HECTD3: variants seen among roughly 807,000 people sequenced by gnomAD.
HECTD3 encodes the protein E3 ubiquitin-protein ligase HECTD3.
Under a neutral mutation model 109.3 loss-of-function variants are expected in HECTD3, and 72 were observed. That is an observed-to-expected ratio of 0.66 (90% CI 0.54 to 0.80). The LOEUF is 0.80. Among genes scored for constraint, HECTD3 ranks in the 30% least tolerant of loss-of-function variants. The pLI is 0.00. For missense variants in HECTD3, 1,041 were observed against 1,165.2 expected (o/e 0.89, Z 1.55); for synonymous variants, 481 against 471.8 (o/e 1.02, Z -0.25).
At chr1:45,008,816 C>T in intron 7 of HECTD3, 115 bp from the exon 8 acceptor site, 4 of 969,370 alleles carry the variant, frequency 4.1e-6, no homozygotes, top group Non-Finnish European at 6.3e-6. Context: ...CCCCTAGAAA[C>T]TCGGGACCTT....
In HECTD3 at chr1:45,007,441, G is replaced by A. The variant is rs1644746472; in HGVS notation, c.1475C>T (p.Pro492Leu). ...GGTGAAGACTGCATTCTTGCAGGCA[G>A]GGTCTCGAGAGGGGCAGGCACGGTG... ...MEHRACPSRDPACKNAVFTQV... is the reference protein window; with the variant it reads ...MEHRACPSRDLACKNAVFTQV... Residue 492 changes from proline (P) to leucine (L), a missense_variant, in exon 10 of 21, where the codon CCT becomes CTT. Around this residue, in one of 2 missense-constraint regions of HECTD3, gnomAD observed 569 missense variants for 715.3 expected, o/e 0.80. Transcript: ENST00000372172. 1 of 1,614,064 alleles carries A rather than the reference G, an allele frequency of 6.2e-7. No homozygotes were observed. The highest frequency in any genetic ancestry group is 8.5e-7 in the Non-Finnish European group (1 of 1,180,050).
rs1396247447 is a variant in HECTD3 at position 45,007,600 on chromosome 1, TGA to T, written c.1321-7_1321-6del. On this transcript the variant is annotated splice_polypyrimidine_tract_variant and splice_region_variant and intron_variant, in intron 9 of 20. Transcript: ENST00000372172. ...CAGTAGGAACTGCTTCACTTGCTAG[TGA>T]GGAGAGGTGGCCAGAGCAGGAATGA... The T allele has an allele frequency of 1.9e-5, 31 of 1,605,594 alleles. No individual in the cohort carries two copies. The highest frequency in any genetic ancestry group is 2.5e-5 in the Non-Finnish European group (30 of 1,179,476).
At position 45,009,201 on chromosome 1, in the gene HECTD3, G is replaced by A. The variant is rs1256473007; in HGVS notation, c.1015C>T (p.Leu339=). Residue 339 remains leucine, a synonymous_variant, in exon 7 of 21, where the codon CTG becomes TTG. Transcript: ENST00000372172. Reference sequence around the variant, plus strand: ...GGGAGGTGGACGGTCATGTCCTCCAGGACACAGACATCCCCGATGAGGGTC... The same window carrying A: ...GGGAGGTGGACGGTCATGTCCTCCAAGACACAGACATCCCCGATGAGGGTC... ...DETLIGDVCV[L]EDMTVHLPII... 6.2e-7 allele frequency: 1 copy of A among 1,614,014 alleles called. No individual in the cohort carries two copies. Among genetic ancestry groups the A allele is most frequent in the Non-Finnish European group, 8.5e-7 (1 of 1,179,916 alleles).
Position 45,008,247 on chromosome 1 carries a change from T to G in HECTD3, c.1313A>C (p.Glu438Ala). 1 of 1,613,518 alleles carries G rather than the reference T, an allele frequency of 6.2e-7. No homozygotes were observed. The highest frequency in any genetic ancestry group is 2.2e-5 in the East Asian group (1 of 44,868). ...CTGGCTGGGTCGGCTCACCTTAATC[T>G]CACTGAAGGTGCCCAGTGTGTGGTC... is the stretch of plus-strand genomic sequence containing the variant. ...AWDHTLGTFSEIKQVKQFLLL... is the reference protein window; with the variant it reads ...AWDHTLGTFSAIKQVKQFLLL... The change falls in exon 9 of 21, where the codon GAG (glutamate) becomes GCG (alanine). Residue 438 changes from glutamate to alanine, a missense_variant. Transcript: ENST00000372172.
At chr1:45,007,144 GTGTGTGTGTGTGTT>G (rs1387980529) in intron 11 of HECTD3, 61 bp downstream of exon 11, 21 of 1,428,170 alleles carry the variant, frequency 1.5e-5, no homozygotes, top group Middle Eastern at 1.8e-4. Context: ...GTGTGTGTGT[GTGTGTGTGTGTGTT>G]TGTGTGTGTT....
In HECTD3 at chr1:45,011,214, T is replaced by G. The variant is rs995993412; in HGVS notation, c.44A>C (p.Gln15Pro). 2 of 1,427,946 alleles carry G rather than the reference T, an allele frequency of 1.4e-6. No individual in the cohort carries two copies. Among genetic ancestry groups the G allele is most frequent in the Admixed American group, 5.9e-5 (2 of 33,746 alleles). The allele number at this position is 1,427,946 out of a possible 1,614,324, so 88.5% of individuals were successfully genotyped here. Reference protein sequence around the residue: ...GPGAVLESPRQLLGRVRFLAE... With the variant: ...GPGAVLESPRPLLGRVRFLAE... The stretch of plus-strand genomic sequence containing the variant: ...CAAGAAGCGCACGCGGCCCAGCAGC[T>G]GCCGGGGGGACTCCAGCACCGCGCC... Residue 15 changes from glutamine (Q) to proline (P), a missense_variant, in exon 1 of 21, where the codon CAG (glutamine) becomes CCG (proline). Gln to Pro is a moderately conservative substitution (Grantham distance 76). Coordinates refer to ENST00000372172, the MANE Select transcript of HECTD3 (RefSeq NM_024602.6).
At chr1:45,005,007 C>T in intron 15 of HECTD3, 1 of 610,978 alleles carries the variant, frequency 1.6e-6, no homozygotes. Context: ...AGGAGGCATC[C>T]TGTGGAAAAT....
At position 45,010,696 on chromosome 1, in the gene HECTD3, G is replaced by A; in HGVS notation, c.380C>T (p.Ala127Val). ...CAGCCCGCAGTCGCCCAGGTGCTCT[G>A]CCAGCTGCTCCTGCCGGGACGCGTA... is the stretch of plus-strand genomic sequence containing the variant. ...LWVKLTKEQL[A>V]EHLGDCGLQE... is the part of the protein sequence containing the mutation. The change falls in exon 2 of 21, where the codon GCA becomes GTA. Residue 127 changes from alanine (A) to valine (V), a missense_variant. Physicochemically the swap from Ala to Val is moderately conservative, Grantham distance 64. Around this residue, in one of 2 missense-constraint regions of HECTD3, gnomAD observed 472 missense variants for 449.9 expected, o/e 1.05. Transcript: ENST00000372172. The A allele has an allele frequency of 1.9e-6, 3 of 1,554,762 alleles. No homozygotes were observed. The highest frequency in any genetic ancestry group is 2.6e-6 in the Non-Finnish European group (3 of 1,155,578).
rs1399636674 is a variant in HECTD3 at position 45,006,198 on chromosome 1, C to T, written c.1726-82G>A. ...CAAAGACTTCCCTGAACATTTTCCA[C>T]TGGGAACATTTTCCACTAAATGATC... On this transcript the variant is annotated intron_variant, in intron 13 of 20. Transcript: ENST00000372172. This position sits in a 1 kb window ranked among gnomAD's most constrained non-coding sequence, Gnocchi z 4.7. 2.6e-6 allele frequency: 4 copies of T among 1,538,774 alleles called. No homozygotes were observed. The highest frequency in any genetic ancestry group is 3.5e-6 in the Non-Finnish European group (4 of 1,127,660).
chr1:45,005,489 T>C, intron 15 of HECTD3: 1 of 286,182 alleles, frequency 3.5e-6, no homozygotes, highest in Non-Finnish European at 6.5e-6. Flanking sequence ...GGTGCCCTTC[T>C]GAGGCAGGAG....
At chr1:45,007,363 C>T (rs1168431783) in intron 10 of HECTD3, 50 bp downstream of exon 10, 2 of 1,608,500 alleles carry the variant, frequency 1.2e-6, no homozygotes, top group East Asian at 2.2e-5. Flanking sequence ...GGCCTAGCCC[C>T]CTTGGCCCTT....
chr1:45,010,024 TCA>T lies in HECTD3; in HGVS notation c.719_720del (p.Val240GlufsTer63). On this transcript the variant is annotated frameshift_variant, in exon 4 of 21. Coordinates refer to ENST00000372172, the MANE Select transcript of HECTD3 (RefSeq NM_024602.6). LOFTEE classifies it high-confidence loss of function. ...LGKEDENLGS[V>X]KQYVESIDVS... ...ACGTCTATGCTCTCCACATACTGCT[TCA>T]CGCTACCCAGGTTCTCATCCTCCTT... The T allele has an allele frequency of 6.4e-7, 1 of 1,555,048 alleles. No homozygotes were observed.
intron 17 of HECTD3, 51 bp downstream of exon 17, chr1:45,004,197 C>G (rs754164067): frequency 1.9e-6 from 3 of 1,613,974 alleles, no homozygotes; most frequent in Non-Finnish European, 2.5e-6. Flanking sequence ...TGAGCCCCAA[C>G]CCCTGTGCTG....
chr1:45,008,169 T>C (rs1412081741), intron 9 of HECTD3, 71 bp downstream of exon 9: 3 of 1,242,122 alleles, frequency 2.4e-6, no homozygotes, highest in Non-Finnish European at 3.5e-6. Context: ...TTAGGAACTC[T>C]GCTAAGGAAT....
At position 45,006,791 on chromosome 1, in the gene HECTD3, A is replaced by C; in HGVS notation, c.1626T>G (p.Gly542=). 1 of 1,611,790 alleles carries C rather than the reference A, an allele frequency of 6.2e-7. No individual in the cohort carries two copies. Among genetic ancestry groups the C allele is most frequent in the Non-Finnish European group, 8.5e-7 (1 of 1,178,770 alleles). The change falls in exon 13 of 21, where the codon GGT becomes GGG. Residue 542 remains glycine, a synonymous_variant. Coordinates refer to ENST00000372172, the MANE Select transcript of HECTD3 (RefSeq NM_024602.6). This position sits in a 1 kb window ranked among gnomAD's most constrained non-coding sequence, Gnocchi z 4.7. ...TATCTGCCAGGCTGTCCCGGAAACC[A>C]CCCCCTGAAATGACAGATGCCCTCA... The part of the protein sequence containing the change: ...FIAEGIIDQG[G]GFRDSLADMS...
chr1:45,006,847 T>C lies in HECTD3; in HGVS notation c.1622-52A>G, dbSNP rs766689406. ...GCACTCAAGAGCCCAGCTCCCATAA[T>C]GGGGTAATGAATAGGTCCCCCATCA... is the stretch of plus-strand genomic sequence containing the variant. On this transcript the variant is annotated intron_variant, in intron 12 of 20. Transcript: ENST00000372172. The surrounding 1 kb of genome is among the most constrained non-coding windows in gnomAD (Gnocchi z 4.7). 1 of 1,594,362 alleles carries C rather than the reference T, an allele frequency of 6.3e-7. No homozygotes were observed. The highest frequency in any genetic ancestry group is 1.1e-5 in the South Asian group (1 of 90,470).
rs1278252845 is a variant in HECTD3, at chr1:45,003,357, A to G, written c.*135T>C. The G allele has an allele frequency of 1.1e-5, 8 of 740,084 alleles. No individual in the cohort carries two copies. The highest frequency in any genetic ancestry group is 2.2e-5 in the Admixed American group (1 of 46,158). 45.8% of individuals were successfully genotyped at this position (740,084 alleles called of 1,614,324 possible). The stretch of plus-strand genomic sequence containing the variant: ...GACCATGCCAGCTGCCCCTACCCCA[A>G]CTGCACACAGGAGCAGGGCACATGG... On this transcript the variant is annotated 3_prime_UTR_variant, in exon 21 of 21. Coordinates refer to ENST00000372172, the MANE Select transcript of HECTD3 (RefSeq NM_024602.6). This position sits in a 1 kb window ranked among gnomAD's most constrained non-coding sequence, Gnocchi z 4.7.
In HECTD3 at chr1:45,011,051, C is replaced by G. The variant is rs767638082; in HGVS notation, c.207G>C (p.Glu69Asp). 6.9e-7 allele frequency: 1 copy of G among 1,441,168 alleles called. No individual in the cohort carries two copies. The highest frequency in any genetic ancestry group is 2.9e-5 in the East Asian group (1 of 34,880). The allele number at this position is 1,441,168 out of a possible 1,614,324, so 89.3% of individuals were successfully genotyped here. The change falls in exon 1 of 21, where the codon GAG becomes GAC. Residue 69 changes from glutamate (E) to aspartate (D), a missense_variant. Around this residue, in one of 2 missense-constraint regions of HECTD3, gnomAD observed 472 missense variants for 449.9 expected, o/e 1.05. Coordinates refer to ENST00000372172, the MANE Select transcript of HECTD3 (RefSeq NM_024602.6). ...SRVLLPVWEA[E>D]GLGLRVGAAG... ...CGGCGCCCACACGCAGCCCCAGGCC[C>G]TCTGCCTCCCACACCGGCAGAAGCA...
chr1:45,006,848 G>A lies in HECTD3; in HGVS notation c.1622-53C>T. ...CACTCAAGAGCCCAGCTCCCATAAT[G>A]GGGTAATGAATAGGTCCCCCATCAT... On this transcript the variant is annotated intron_variant, in intron 12 of 20. Transcript: ENST00000372172. This position sits in a 1 kb window ranked among gnomAD's most constrained non-coding sequence, Gnocchi z 4.7. The A allele has an allele frequency of 1.3e-6, 2 of 1,591,932 alleles. No individual in the cohort carries two copies. The highest frequency in any genetic ancestry group is 1.1e-5 in the South Asian group (1 of 90,408).
Sources: gnomAD v4.1 joint callset for allele counts on GRCh38, gnomAD v4.1.1 for gene constraint, gnomAD v4.1.1 regional missense constraint, Gnocchi (gnomAD v3.1) non-coding constraint, MANE v1.5 for transcripts, NCBI Gene and HGNC (gene_info 2026-07-23, HGNC 2026-07-21) for gene names.